DOCK1: variants seen among roughly 807,000 people sequenced by gnomAD.
The protein encoded by DOCK1 is dedicator of cytokinesis protein 1.
A neutral mutation model predicts 262.7 loss-of-function variants in DOCK1; 138 were observed. The ratio of observed to expected loss-of-function variants is 0.53; its 90% CI spans 0.46 to 0.61. The LOEUF (loss-of-function observed/expected upper bound fraction) is 0.61, where lower values mean the gene tolerates loss of function less well. DOCK1 is among the 20% of genes least tolerant of loss of function. DOCK1 has a pLI of 0.00. For missense variants in DOCK1, 1,908 were observed against 2,370.7 expected (o/e 0.80, Z 4.05); for synonymous variants, 866 against 867.4 (o/e 1.00, Z 0.03).
chr10:126,919,646 C>T (rs10901741), intron 1 of DOCK1, among the ~76,000 whole-genome samples: 51,252 of 152,092 alleles, frequency 0.34, 8,795 homozygotes, highest in East Asian at 0.45. Context: ...CAGCCCGTTG[C>T]TCTGAGGGAC....
intron 29 of DOCK1, among the ~76,000 whole-genome samples, chr10:127,316,974 T>C (rs1367440557): frequency 6.6e-6 from 1 of 152,062 alleles, no homozygotes; most frequent in Admixed American, 6.6e-5. Flanking sequence ...CACCCCAAAC[T>C]GTCCACTGTG....
intron 27 of DOCK1, among the ~76,000 whole-genome samples, chr10:127,205,067 A>G (rs1194614163): frequency 6.6e-6 from 1 of 151,916 alleles, no homozygotes; most frequent in African/African-American, 2.4e-5. Context: ...TCTTCTCTGA[A>G]CCCAAATATG....
intron 1 of DOCK1, among the ~76,000 whole-genome samples, chr10:126,933,620 C>T (rs2034342790): frequency 6.6e-6 from 1 of 151,964 alleles, no homozygotes; most frequent in Non-Finnish European, 1.5e-5. Flanking sequence ...CTGAGTCAGC[C>T]CCCCGGATGA....
chr10:127,155,570 AT>A (rs2052961237), intron 27 of DOCK1, among the ~76,000 whole-genome samples: 1 of 151,820 alleles, frequency 6.6e-6, no homozygotes, highest in Non-Finnish European at 1.5e-5. Context: ...CCTGTGCCTT[AT>A]CCCCTCCCCT....
intron 29 of DOCK1, among the ~76,000 whole-genome samples, chr10:127,277,064 T>G (rs2060769975): frequency 6.6e-6 from 1 of 152,200 alleles, no homozygotes; most frequent in Non-Finnish European, 1.5e-5. Context: ...ACTAAGGGAT[T>G]CCTGTCTCAG....
At chr10:127,154,016 C>A in intron 27 of DOCK1, 2 of 835,366 alleles carry the variant, frequency 2.4e-6, no homozygotes, top group South Asian at 1.4e-5. Flanking sequence ...CTTCCCAATG[C>A]CAAGCTCATC....
intron 29 of DOCK1, among the ~76,000 whole-genome samples, chr10:127,261,275 GCC>G (rs2060087100): frequency 1.7e-5 from 2 of 118,666 alleles, no homozygotes; most frequent in Admixed American, 8.4e-5. Context: ...GTGTGTGTGT[GCC>G]TGCATGTGTG....
Position 127,381,352 on chromosome 10 carries a change from A to G in DOCK1, c.3791A>G (p.His1264Arg), listed in dbSNP as rs1403147569. ...GAAGCGGCTTACACCTTGCTTCTCC[A>G]TGCAAAGCTTCTTAAGGTAATGTCA... The part of the protein sequence containing the change: ...YTEAAYTLLL[H>R]AKLLKWSEDV... Residue 1264 changes from histidine (H) to arginine (R), a missense_variant, in exon 37 of 52, where the codon CAT becomes CGT. This residue lies in a region of DOCK1 where 267 missense variants were observed against 366.3 expected (regional missense o/e 0.73). Coordinates refer to ENST00000623213, the MANE Select transcript of DOCK1 (RefSeq NM_001290223.2). 1.2e-6 allele frequency: 2 copies of G among 1,611,918 alleles called. No homozygotes were observed. The highest frequency in any genetic ancestry group is 1.1e-5 in the South Asian group (1 of 90,646).
At chr10:127,032,584 C>T (rs182953572) in intron 18 of DOCK1, among the ~76,000 whole-genome samples, 3 of 152,284 alleles carry the variant, frequency 2.0e-5, no homozygotes, top group African/African-American at 4.8e-5. Context: ...GTCTCAGTCT[C>T]GCTCTGTTGC....
chr10:127,038,368 C>A (rs923942871), intron 19 of DOCK1, among the ~76,000 whole-genome samples: 5 of 152,176 alleles, frequency 3.3e-5, no homozygotes, highest in African/African-American at 9.7e-5. Flanking sequence ...GTGGGTTCTG[C>A]GTCCTCTTCC....
chr10:127,379,032 G>T (rs960916921), intron 35 of DOCK1, among the ~76,000 whole-genome samples: 1 of 152,168 alleles, frequency 6.6e-6, no homozygotes, highest in Non-Finnish European at 1.5e-5. Context: ...TTGGATAATT[G>T]TATGTCTCTG....
rs1314185345 is a variant in DOCK1 at position 127,042,694 on chromosome 10, A to C, written c.2080A>C (p.Thr694Pro). ...GAACTCAGAGAGTGAGACTTTTGACACGTTAGTCTTTGATGCTCTGGTAAG... is the reference window on the plus strand; with the variant it reads ...GAACTCAGAGAGTGAGACTTTTGACCCGTTAGTCTTTGATGCTCTGGTAAG... ...MENSESETFD[T>P]LVFDALVFII... is the part of the protein sequence containing the mutation. The change falls in exon 20 of 52, where the codon ACG becomes CCG. Residue 694 changes from threonine to proline, a missense_variant. Physicochemically the swap from Thr to Pro is conservative, Grantham distance 38. Around this residue, in one of 9 missense-constraint regions of DOCK1, gnomAD observed 294 missense variants for 439.9 expected, o/e 0.67. Coordinates refer to ENST00000623213, the MANE Select transcript of DOCK1 (RefSeq NM_001290223.2). 6.2e-7 allele frequency: 1 copy of C among 1,614,060 alleles called. No individual in the cohort carries two copies. The highest frequency in any genetic ancestry group is 2.2e-5 in the East Asian group (1 of 44,866).
chr10:126,935,845 C>T (rs1236273599), intron 1 of DOCK1, among the ~76,000 whole-genome samples: 1 of 152,248 alleles, frequency 6.6e-6, no homozygotes. Context: ...TACTGCCATC[C>T]TTGCCACAGG....
intron 12 of DOCK1, among the ~76,000 whole-genome samples, chr10:127,018,038 C>T (rs1382731044): frequency 6.6e-6 from 1 of 152,228 alleles, no homozygotes; most frequent in African/African-American, 2.4e-5. Flanking sequence ...CAGGATACCC[C>T]TGGCATCTAG....
chr10:127,359,382 C>A (rs1428439859), intron 32 of DOCK1, among the ~76,000 whole-genome samples: 7 of 152,178 alleles, frequency 4.6e-5, no homozygotes, highest in Non-Finnish European at 1.0e-4. Context: ...TGACTGCTTT[C>A]TATGTTTTTC....
chr10:127,296,222 G>A (rs927423057), intron 29 of DOCK1, among the ~76,000 whole-genome samples: 2 of 152,170 alleles, frequency 1.3e-5, no homozygotes, highest in South Asian at 2.1e-4. Flanking sequence ...AGGTCAGCCC[G>A]TTGTTTTTCA....
intron 1 of DOCK1, among the ~76,000 whole-genome samples, chr10:126,939,036 A>ACACGGTGG (rs1185770192): frequency 9.7e-6 from 1 of 102,714 alleles, no homozygotes; most frequent in Non-Finnish European, 1.8e-5. Context: ...GAAGGGATGA[A>ACACGGTGG]CACGGTGGGG....
chr10:126,994,251 C>T (rs1009257783), intron 6 of DOCK1, among the ~76,000 whole-genome samples: 21 of 152,166 alleles, frequency 1.4e-4, no homozygotes, highest in African/African-American at 5.1e-4. Flanking sequence ...AATCATCTTA[C>T]AATTTTGTTG....
At chr10:127,235,458 G>T (rs1395927563) in intron 27 of DOCK1, among the ~76,000 whole-genome samples, 3 of 152,154 alleles carry the variant, frequency 2.0e-5, no homozygotes, top group Non-Finnish European at 4.4e-5. Flanking sequence ...TTATTTACCA[G>T]TAGTTTGTTC....
Sources: allele counts gnomAD v4.1 joint callset (sites outside exome capture counted in the v4.1 genomes callset), GRCh38; gene constraint gnomAD v4.1.1; regional missense constraint gnomAD v4.1.1; transcripts MANE v1.5; gene names NCBI Gene and HGNC (gene_info 2026-07-23, HGNC 2026-07-21).